KIAA1217: variants seen among roughly 807,000 people sequenced by gnomAD.
The protein encoded by KIAA1217 is sickle tail protein homolog.
In KIAA1217, 88 loss-of-function variants were observed where a neutral mutation model predicts 163.9. That is an observed-to-expected ratio of 0.54 (90% CI 0.45 to 0.64). The LOEUF (loss-of-function observed/expected upper bound fraction) is 0.64. Ranked by LOEUF, KIAA1217 falls within the 30% of genes least tolerant of loss-of-function variation. The pLI is 0.00. For synonymous variants in KIAA1217, 903 were observed against 923.1 expected, an observed-to-expected ratio of 0.98 and a Z score of 0.39; for missense variants, 2,372 against 2,475.0, an observed-to-expected ratio of 0.96 and a Z score of 0.88.
intron 2 of KIAA1217, among the ~76,000 whole-genome samples, chr10:24,354,197 T>G (rs938034605): frequency 1.2e-4 from 19 of 152,214 alleles, no homozygotes; most frequent in Non-Finnish European, 8.8e-5. Context: ...CTTATTTGAT[T>G]GCTATTAGCC....
At chr10:23,879,223 G>A (rs1368470560) in intron 1 of KIAA1217, among the ~76,000 whole-genome samples, 2 of 151,860 alleles carry the variant, frequency 1.3e-5, no homozygotes, top group Non-Finnish European at 2.9e-5. Context: ...ATGGATCTCA[G>A]ACTTTGGCAT....
At chr10:24,488,571 A>T (rs1199861648) in intron 6 of KIAA1217, among the ~76,000 whole-genome samples, 1 of 152,216 alleles carries the variant, frequency 6.6e-6, no homozygotes, top group Non-Finnish European at 1.5e-5. Flanking sequence ...AGTTTGGGGA[A>T]CAATGTCTTT....
intron 1 of KIAA1217, among the ~76,000 whole-genome samples, chr10:23,729,317 G>A (rs941183978): frequency 6.6e-6 from 1 of 152,082 alleles, no homozygotes; most frequent in African/African-American, 2.4e-5. Flanking sequence ...AATACTAAGG[G>A]GCATGATTGC....
chr10:23,881,846 C>A (rs926757309), intron 1 of KIAA1217, among the ~76,000 whole-genome samples: 2 of 151,962 alleles, frequency 1.3e-5, no homozygotes, highest in Admixed American at 1.3e-4. Flanking sequence ...ATCCCCCATA[C>A]ACCCTTAAGA....
At chr10:23,757,448 G>T (rs1239957998) in intron 1 of KIAA1217, among the ~76,000 whole-genome samples, 3 of 152,026 alleles carry the variant, frequency 2.0e-5, no homozygotes, top group Admixed American at 6.6e-5. Context: ...GTGTGAGGGG[G>T]TGTCTCATTG....
intron 1 of KIAA1217, among the ~76,000 whole-genome samples, chr10:23,741,910 T>C (rs987858165): frequency 6.6e-6 from 1 of 152,162 alleles, no homozygotes. Context: ...CATCTGGGGA[T>C]ATGGAGTCCA....
At chr10:24,540,750 T>A (rs7908604) in intron 17 of KIAA1217, among the ~76,000 whole-genome samples, 36,610 of 151,968 alleles carry the variant, frequency 0.24, 4,576 homozygotes, top group Middle Eastern at 0.39. Flanking sequence ...ACCTTTTTTT[T>A]AAATTCATTT....
At chr10:23,701,659 C>T (rs1836458573) in intron 1 of KIAA1217, among the ~76,000 whole-genome samples, 1 of 152,178 alleles carries the variant, frequency 6.6e-6, no homozygotes, top group African/African-American at 2.4e-5. Context: ...CTCCCTAGGG[C>T]TAGTAATAGC....
chr10:24,334,434 A>AGGAT (rs1209766844), intron 2 of KIAA1217, among the ~76,000 whole-genome samples: 1 of 110,290 alleles, frequency 9.1e-6, no homozygotes. Context: ...GAGGGAGGGA[A>AGGAT]GGATGGAAGG....
chr10:23,968,142 A>G (rs1845149952), intron 1 of KIAA1217, among the ~76,000 whole-genome samples: 1 of 150,546 alleles, frequency 6.6e-6, no homozygotes, highest in South Asian at 2.1e-4. Context: ...CAAAGTATGC[A>G]TATGTGTGTG....
At position 23,704,146 on chromosome 10, in the gene KIAA1217, A is replaced by ATGTATG. The variant is rs1400240204; in HGVS notation, c.-321+8915_-321+8916insATGTGT. The stretch of plus-strand genomic sequence containing the variant: ...CATATATGCATGTATGTGTGTGTGT[A>ATGTATG]TGTGTGTGTGTGTGTGTGTGTGTGT... On this transcript the variant is annotated intron_variant, in intron 1 of 18. Transcript: ENST00000376462. Among the ~76,000 whole-genome samples the ATGTATG allele has an allele frequency of 3.1e-3, 199 of 64,782 alleles. 6 individuals are homozygous for ATGTATG. The highest frequency in any genetic ancestry group is 3.7e-3 in the Non-Finnish European group (141 of 37,962). The allele number at this position is 64,782 out of a possible 152,430, so 42.5% of individuals were successfully genotyped here.
chr10:23,986,843 C>A (rs1845990748), intron 1 of KIAA1217, among the ~76,000 whole-genome samples: 1 of 152,150 alleles, frequency 6.6e-6, no homozygotes, highest in Non-Finnish European at 1.5e-5. Context: ...ATTCATTCAA[C>A]AAATATCTTC....
chr10:24,185,379 C>A (rs77495327), intron 2 of KIAA1217, among the ~76,000 whole-genome samples: 2 of 72,274 alleles, frequency 2.8e-5, no homozygotes, highest in Non-Finnish European at 7.8e-5. Flanking sequence ...TCCTCGAACT[C>A]TTCCTTTGTT....
rs151221133 is a variant in KIAA1217, at chr10:24,318,270, A to G, written c.355-62599A>G. On this transcript the variant is annotated intron_variant, in intron 2 of 20. Coordinates refer to ENST00000376454, the MANE Select transcript of KIAA1217 (RefSeq NM_019590.5). ...TATAGATAGATGAATAGGTAGGTAG[A>G]TAGATAGATAGACAGATAGACAGAC... Among the ~76,000 whole-genome samples the G allele has an allele frequency of 3.0e-3, 443 of 148,958 alleles. 1 individual carries two copies. Among genetic ancestry groups the G allele is most frequent in the African/African-American group, 4.2e-3 (175 of 41,236 alleles).
At chr10:23,999,130 TA>T (rs1306929493) in intron 1 of KIAA1217, among the ~76,000 whole-genome samples, 2 of 152,240 alleles carry the variant, frequency 1.3e-5, no homozygotes, top group Non-Finnish European at 2.9e-5. Context: ...CATTGCCTTT[TA>T]AAATCAGAAT....
At chr10:23,849,122 C>T (rs1256754043) in intron 1 of KIAA1217, among the ~76,000 whole-genome samples, 1 of 152,066 alleles carries the variant, frequency 6.6e-6, no homozygotes, top group Non-Finnish European at 1.5e-5. Context: ...TACAATTCTT[C>T]ATAATTAGCT....
At chr10:23,835,791 T>A (rs1017786515) in intron 1 of KIAA1217, among the ~76,000 whole-genome samples, 2 of 152,180 alleles carry the variant, frequency 1.3e-5, no homozygotes, top group African/African-American at 4.8e-5. Context: ...GTGAAATTGA[T>A]GTCTCATCAC....
chr10:24,542,036 C>T (rs1272186853), intron 17 of KIAA1217, among the ~76,000 whole-genome samples: 1 of 152,148 alleles, frequency 6.6e-6, no homozygotes, highest in African/African-American at 2.4e-5. Flanking sequence ...TTTGGCACTT[C>T]GACACCTGCA....
At chr10:24,415,038 A>G (rs2058112006) in intron 3 of KIAA1217, among the ~76,000 whole-genome samples, 1 of 150,768 alleles carries the variant, frequency 6.6e-6, no homozygotes, top group African/African-American at 2.4e-5. Flanking sequence ...TGTCCCCAAG[A>G]TGGCTGCTCT....
Sources: allele counts gnomAD v4.1 joint callset (sites outside exome capture counted in the v4.1 genomes callset), GRCh38; gene constraint gnomAD v4.1.1; transcripts MANE v1.5; gene names NCBI Gene and HGNC (gene_info 2026-07-23, HGNC 2026-07-21).